STAT4: variants seen among roughly 807,000 people sequenced by gnomAD.
The protein encoded by STAT4 is signal transducer and activator of transcription 4.
STAT4 carries 42 observed loss-of-function variants against 110.5 expected under a neutral mutation model. The observed-to-expected ratio is 0.38, with a 90% confidence interval of 0.30 to 0.49. The LOEUF is 0.49. Among genes scored for constraint, STAT4 ranks in the 20% least tolerant of loss-of-function variants. The probability of loss-of-function intolerance (pLI) is 0.95; values close to 1 mark genes in which losing one functional copy is unlikely to be tolerated. For synonymous variants in STAT4, 284 were observed against 302.2 expected, an observed-to-expected ratio of 0.94 and a Z score of 0.63; for missense variants, 632 against 887.9, an observed-to-expected ratio of 0.71 and a Z score of 3.66.
intron 3 of STAT4, among the ~76,000 whole-genome samples, chr2:191,095,110 C>A (rs537045142): frequency 6.6e-6 from 1 of 152,052 alleles, no homozygotes; most frequent in East Asian, 1.9e-4. Context: ...AAAGCAAGTC[C>A]TGAGAGACCT....
rs146829553 is a variant in STAT4, at chr2:191,050,817, A to G, written c.1251+3673T>C. Among the ~76,000 whole-genome samples, 391 of 152,258 alleles carry G rather than the reference A, an allele frequency of 2.6e-3. 1 individual carries two copies. The highest frequency in any genetic ancestry group is 9.1e-3 in the African/African-American group (380 of 41,540). On this transcript the variant is annotated intron_variant, in intron 14 of 23. Coordinates refer to ENST00000392320, the MANE Select transcript of STAT4 (RefSeq NM_003151.4). The surrounding 1 kb of genome is among the most constrained non-coding windows in gnomAD (Gnocchi z 4.3). ...CTTGTGCAACTTCTTCCTTTCACCC[A>G]ATCCTAAAGCCAGGAGCCCCTGTAC... is the stretch of plus-strand genomic sequence containing the variant.
At chr2:191,125,505 T>TATTATTATTATTATTATA (rs1698857758) in intron 3 of STAT4, among the ~76,000 whole-genome samples, 1 of 149,648 alleles carries the variant, frequency 6.7e-6, no homozygotes. Flanking sequence ...TTATTATTAT[T>TATTATTATTATTATTATA]GAGACAGGGC....
At chr2:191,126,623 C>T (rs868372739) in intron 3 of STAT4, among the ~76,000 whole-genome samples, 3 of 152,122 alleles carry the variant, frequency 2.0e-5, no homozygotes, top group Non-Finnish European at 4.4e-5. Flanking sequence ...TTCCTGGCCA[C>T]AGACTGCCCT....
intron 3 of STAT4, among the ~76,000 whole-genome samples, chr2:191,130,725 G>A (rs1001733579): frequency 6.6e-6 from 1 of 151,486 alleles, no homozygotes; most frequent in Non-Finnish European, 1.5e-5. Flanking sequence ...TTTTGTTTCC[G>A]TGATTTCTTT....
intron 5 of STAT4, among the ~76,000 whole-genome samples, chr2:191,070,467 A>G (rs1204574308): frequency 6.6e-6 from 1 of 152,160 alleles, no homozygotes; most frequent in Admixed American, 6.6e-5. Context: ...CACTTGTCCA[A>G]GGTCACTCAG....
At chr2:191,139,684 C>T (rs1699270561) in intron 3 of STAT4, among the ~76,000 whole-genome samples, 1 of 152,234 alleles carries the variant, frequency 6.6e-6, no homozygotes, top group African/African-American at 2.4e-5. Context: ...CTGCCCAAAT[C>T]AGTCTACAGA....
In STAT4 at chr2:191,061,431, C is replaced by T. The variant is rs994740497; in HGVS notation, c.1034+298G>A. Among the ~76,000 whole-genome samples the T allele has an allele frequency of 6.6e-6, 1 of 152,204 alleles. No homozygotes were observed. Among genetic ancestry groups the T allele is most frequent in the African/African-American group, 2.4e-5 (1 of 41,454 alleles). On this transcript the variant is annotated intron_variant, in intron 10 of 23. Transcript: ENST00000392320. This position sits in a 1 kb window ranked among gnomAD's most constrained non-coding sequence, Gnocchi z 6.2. Reference sequence around the variant, plus strand: ...CAATCCTCCTCCCCTCTCCCAATCTCTCCAGTCTTTTCTCAAGTCAACCTT... The same window carrying T: ...CAATCCTCCTCCCCTCTCCCAATCTTTCCAGTCTTTTCTCAAGTCAACCTT...
At chr2:191,054,442 T>G in intron 14 of STAT4, 48 bp downstream of exon 14, 1 of 1,479,054 alleles carries the variant, frequency 6.8e-7, no homozygotes, top group Non-Finnish European at 9.3e-7. Context: ...AATAAGATAT[T>G]ATAAGATCTG....
chr2:191,120,211 G>C (rs1395843238), intron 3 of STAT4, among the ~76,000 whole-genome samples: 1 of 152,016 alleles, frequency 6.6e-6, no homozygotes, highest in African/African-American at 2.4e-5. Context: ...TTAAAACTAA[G>C]AACTGTTGTT....
chr2:191,092,276 C>CAT (rs1697821495), intron 3 of STAT4, among the ~76,000 whole-genome samples: 1 of 151,978 alleles, frequency 6.6e-6, no homozygotes, highest in South Asian at 2.1e-4. Flanking sequence ...TGGTGGCATG[C>CAT]GCCTGTAATC....
rs1008999198 is a variant in STAT4 at position 191,031,579 on chromosome 2, A to G, written c.2045-63T>C. The G allele has an allele frequency of 5.1e-5, 69 of 1,346,116 alleles. No individual in the cohort carries two copies. In the African/African-American group the frequency reaches 8.8e-4, roughly 17 times the overall value. The allele number at this position is 1,346,116 out of a possible 1,614,324, so 83.4% of individuals were successfully genotyped here. On this transcript the variant is annotated intron_variant, in intron 21 of 23. Coordinates refer to ENST00000392320, the MANE Select transcript of STAT4 (RefSeq NM_003151.4). This position sits in a 1 kb window ranked among gnomAD's most constrained non-coding sequence, Gnocchi z 4.8. Reference sequence around the variant, plus strand: ...GTCAATATTATCAATAAAACTGGGGAAAAAAGAGTCTAGAAAAATATTAAC... The same window carrying G: ...GTCAATATTATCAATAAAACTGGGGGAAAAAGAGTCTAGAAAAATATTAAC...
chr2:191,029,692 C>T lies in STAT4; in HGVS notation c.*148G>A, dbSNP rs916761558. ...CAACACTCCCAATTGAGGAGTGCCA[C>T]GGGAGTGTGAAGAGAGCTTCAGATG... On this transcript the variant is annotated 3_prime_UTR_variant, in exon 24 of 24. Transcript: ENST00000392320. This position sits in a 1 kb window ranked among gnomAD's most constrained non-coding sequence, Gnocchi z 4.5. 1.8e-5 allele frequency: 13 copies of T among 715,738 alleles called. 1 individual carries two copies. The highest frequency in any genetic ancestry group is 2.8e-5 in the Non-Finnish European group (12 of 421,930). 44.3% of individuals were successfully genotyped at this position (715,738 alleles called of 1,614,324 possible).
At chr2:191,075,170 CA>C (rs137958077) in intron 4 of STAT4, among the ~76,000 whole-genome samples, 4 of 146,846 alleles carry the variant, frequency 2.7e-5, no homozygotes, top group East Asian at 2.0e-4. Context: ...AAAAACAAAA[CA>C]AAAAAAAAAC....
At chr2:191,123,224 A>G (rs1285448473) in intron 3 of STAT4, among the ~76,000 whole-genome samples, 1 of 152,156 alleles carries the variant, frequency 6.6e-6, no homozygotes, top group Non-Finnish European at 1.5e-5. Context: ...GATCTTCTGT[A>G]TTCCTGGAGT....
intron 3 of STAT4, among the ~76,000 whole-genome samples, chr2:191,137,812 G>T (rs2356350): frequency 1.3e-5 from 2 of 151,884 alleles, no homozygotes; most frequent in Non-Finnish European, 2.9e-5. Context: ...TCCCTACACC[G>T]AAGAATAGAA....
chr2:191,128,013 C>A (rs187659774), intron 3 of STAT4, among the ~76,000 whole-genome samples: 84 of 152,308 alleles, frequency 5.5e-4, no homozygotes, highest in Non-Finnish European at 1.2e-4. Context: ...TTGTGATGCA[C>A]ACCATCCACC....
Position 191,039,477 on chromosome 2 carries a change from A to T in STAT4, c.1336-180T>A, listed in dbSNP as rs1696129041. Among the ~76,000 whole-genome samples the T allele has an allele frequency of 6.6e-6, 1 of 152,216 alleles. No homozygotes were observed. Among genetic ancestry groups the T allele is most frequent in the Non-Finnish European group, 1.5e-5 (1 of 68,036 alleles). ...AGGCCATGGAACTTTCTGAGCATGC[A>T]TAAGTAAGGGCACAGAGAGGAAAGA... On this transcript the variant is annotated intron_variant, in intron 15 of 23. Transcript: ENST00000392320. The surrounding 1 kb of genome is among the most constrained non-coding windows in gnomAD (Gnocchi z 4.7).
rs1258599068 is a variant in STAT4 at position 191,053,336 on chromosome 2, T to C, written c.1251+1154A>G. Among the ~76,000 whole-genome samples the C allele has an allele frequency of 1.3e-5, 2 of 152,144 alleles. No homozygotes were observed. Among genetic ancestry groups the C allele is most frequent in the African/African-American group, 2.4e-5 (1 of 41,430 alleles). On this transcript the variant is annotated intron_variant, in intron 14 of 23. Transcript: ENST00000392320. This position sits in a 1 kb window ranked among gnomAD's most constrained non-coding sequence, Gnocchi z 4.5. ...GTTGAGCATGACTATCCTGCTCTCTTAGAGGAAAAAAATGCAGTATTTCCT... is the reference window on the plus strand; with the variant it reads ...GTTGAGCATGACTATCCTGCTCTCTCAGAGGAAAAAAATGCAGTATTTCCT...
chr2:191,141,528 A>T (rs1241053079), intron 3 of STAT4, among the ~76,000 whole-genome samples: 1 of 146,274 alleles, frequency 6.8e-6, no homozygotes, highest in East Asian at 1.9e-4. Context: ...TGTATATCAC[A>T]TATACATATA....
Sources: allele counts gnomAD v4.1 joint callset (sites outside exome capture counted in the v4.1 genomes callset), GRCh38; gene constraint gnomAD v4.1.1; non-coding constraint Gnocchi (gnomAD v3.1); transcripts MANE v1.5; gene names NCBI Gene and HGNC (gene_info 2026-07-23, HGNC 2026-07-21).